The following ADARB2 variants were observed in gnomAD, a reference collection of about 807,000 sequenced individuals.
ADARB2 encodes adenosine deaminase RNA specific B2 (inactive).
In ADARB2, 25 loss-of-function variants were observed where a neutral mutation model predicts 62.2. That is an observed-to-expected ratio of 0.40 (90% CI 0.29 to 0.56). The LOEUF (loss-of-function observed/expected upper bound fraction) is 0.56. Ranked by LOEUF, ADARB2 falls within the 20% of genes least tolerant of loss-of-function variation. The pLI, the probability that ADARB2 is intolerant of heterozygous loss-of-function variation, is 0.43. For missense variants in ADARB2, 1,071 were observed against 1,077.4 expected (o/e 0.99, Z 0.08); for synonymous variants, 572 against 500.8 (o/e 1.14, Z -1.90).
intron 1 of ADARB2, among the ~76,000 whole-genome samples, chr10:1,507,211 A>G (rs1364846006): frequency 1.3e-5 from 2 of 152,230 alleles, no homozygotes. Flanking sequence ...GAAGCCAGGA[A>G]GACAGGAGTT....
chr10:1,206,954 G>A (rs1837075960), intron 7 of ADARB2, among the ~76,000 whole-genome samples: 1 of 152,246 alleles, frequency 6.6e-6, no homozygotes. Context: ...GGAGGGCAGA[G>A]CCGCGAAGGC....
chr10:1,294,033 A>T lies in ADARB2; in HGVS notation c.1078-22964T>A, dbSNP rs565009690. 1.1e-4 allele frequency among the ~76,000 whole-genome samples: 17 copies of T among 152,352 alleles called. No homozygotes were observed. The South Asian group carries it at 3.3e-3, about 30-fold the overall frequency. On this transcript the variant is annotated intron_variant, in intron 3 of 9. Coordinates refer to ENST00000381312, the MANE Select transcript of ADARB2 (RefSeq NM_018702.4). The stretch of plus-strand genomic sequence containing the variant: ...AAGTGCAAACAAAGAAAAAACTTAG[A>T]GCAAGCTCAGAAGAGAACTTCCCAT...
intron 1 of ADARB2, among the ~76,000 whole-genome samples, chr10:1,438,772 C>G (rs71498802): frequency 4.8e-5 from 7 of 146,230 alleles, no homozygotes; most frequent in African/African-American, 1.0e-4. Context: ...CTGAGTCTCT[C>G]CCAGGATGGA....
Position 1,398,473 on chromosome 10 carries a change from C to T in ADARB2, c.101-19313G>A, listed in dbSNP as rs1832634809. The stretch of plus-strand genomic sequence containing the variant: ...CACTCGCTCCTGTTTTTCAGGGCCC[C>T]TCCTCTCCCTGTGGAGCTCCAGTGA... On this transcript the variant is annotated intron_variant, in intron 1 of 9. Coordinates refer to ENST00000381312, the MANE Select transcript of ADARB2 (RefSeq NM_018702.4). The surrounding 1 kb of genome is among the most constrained non-coding windows in gnomAD (Gnocchi z 4.1). 6.6e-6 allele frequency among the ~76,000 whole-genome samples: 1 copy of T among 152,222 alleles called. No homozygotes were observed. Among genetic ancestry groups the T allele is most frequent in the South Asian group, 2.1e-4 (1 of 4,832 alleles).
chr10:1,429,717 C>T (rs546161110), intron 1 of ADARB2, among the ~76,000 whole-genome samples: 1 of 152,218 alleles, frequency 6.6e-6, no homozygotes, highest in Non-Finnish European at 1.5e-5. Flanking sequence ...CTGCACCATA[C>T]TTATTAAGAC....
chr10:1,718,035 A>G (rs958287372), intron 1 of ADARB2, among the ~76,000 whole-genome samples: 14 of 152,180 alleles, frequency 9.2e-5, no homozygotes, highest in Non-Finnish European at 5.9e-5. Flanking sequence ...TATGAATAAT[A>G]TAGTTAGAAA....
At chr10:1,354,158 C>T (rs1022087226) in intron 3 of ADARB2, among the ~76,000 whole-genome samples, 5 of 152,062 alleles carry the variant, frequency 3.3e-5, no homozygotes, top group South Asian at 2.1e-4. Context: ...CAAAAATTTT[C>T]GCCGCCCCAA....
chr10:1,584,182 G>A (rs35193555), intron 1 of ADARB2, among the ~76,000 whole-genome samples: 1 of 151,990 alleles, frequency 6.6e-6, no homozygotes, highest in Non-Finnish European at 1.5e-5. Flanking sequence ...CCAACATCAA[G>A]AAAATGAGAA....
intron 1 of ADARB2, among the ~76,000 whole-genome samples, chr10:1,533,567 C>T (rs61831926): frequency 1.3e-5 from 2 of 152,192 alleles, no homozygotes; most frequent in Non-Finnish European, 2.9e-5. Context: ...CATGCCACGT[C>T]CTGACTCTGC....
At chr10:1,663,488 C>T (rs55873172) in intron 1 of ADARB2, among the ~76,000 whole-genome samples, 44,208 of 152,110 alleles carry the variant, frequency 0.29, 6,586 homozygotes, top group Middle Eastern at 0.39. Context: ...TTTTACTGTC[C>T]GCGTAGTTTC....
chr10:1,432,196 CTGAA>C (rs139036634), intron 1 of ADARB2, among the ~76,000 whole-genome samples: 3 of 151,844 alleles, frequency 2.0e-5, no homozygotes, highest in African/African-American at 4.9e-5. Flanking sequence ...GAGATAGTAA[CTGAA>C]TGAATGAATG....
In ADARB2 at chr10:1,177,829, C is replaced by G. The variant is rs764615138; in HGVS notation, c.*5364G>C. On this transcript the variant is annotated 3_prime_UTR_variant, in exon 10 of 10. Coordinates refer to ENST00000381312, the MANE Select transcript of ADARB2 (RefSeq NM_018702.4). The stretch of plus-strand genomic sequence containing the variant: ...ATCTCTAGAGGCCAGCGCGGTGGCT[C>G]ATGCCTGTAATCCCAGCACTCTGGG... 1 of 152,418 alleles carries G rather than the reference C, an allele frequency of 6.6e-6. No individual in the cohort carries two copies. The highest frequency in any genetic ancestry group is 2.1e-4 in the South Asian group (1 of 4,828). 9.4% of individuals were successfully genotyped at this position (152,418 alleles called of 1,614,324 possible).
intron 1 of ADARB2, among the ~76,000 whole-genome samples, chr10:1,685,792 A>G (rs1231730059): frequency 6.6e-6 from 1 of 152,212 alleles, no homozygotes; most frequent in African/African-American, 2.4e-5. Flanking sequence ...CAAGGTCCTG[A>G]TGGAGATCAT....
intron 3 of ADARB2, among the ~76,000 whole-genome samples, chr10:1,324,196 G>T (rs1422801380): frequency 1.3e-5 from 2 of 152,198 alleles, no homozygotes; most frequent in Non-Finnish European, 1.5e-5. Context: ...AACCACACGA[G>T]GTACCATATG....
chr10:1,463,138 C>T (rs1297552623), intron 1 of ADARB2, among the ~76,000 whole-genome samples: 1 of 152,068 alleles, frequency 6.6e-6, no homozygotes, highest in Non-Finnish European at 1.5e-5. Flanking sequence ...GACGTGCTCT[C>T]CACGTGATGA....
At chr10:1,703,085 G>A (rs1264183557) in intron 1 of ADARB2, among the ~76,000 whole-genome samples, 1 of 152,184 alleles carries the variant, frequency 6.6e-6, no homozygotes, top group African/African-American at 2.4e-5. Context: ...GCATGGAGAA[G>A]CAGACCCGTT....
chr10:1,565,208 G>T (rs2131988705), intron 1 of ADARB2, among the ~76,000 whole-genome samples: 1 of 152,300 alleles, frequency 6.6e-6, no homozygotes, highest in African/African-American at 2.4e-5. Flanking sequence ...ATGTCTCTCA[G>T]TCTACAACTT....
chr10:1,467,172 T>C (rs537330852), intron 1 of ADARB2, among the ~76,000 whole-genome samples: 45 of 152,332 alleles, frequency 3.0e-4, no homozygotes, highest in African/African-American at 1.0e-3. Flanking sequence ...TATGTGAGCA[T>C]GGCAGTCACT....
intron 1 of ADARB2, among the ~76,000 whole-genome samples, chr10:1,401,646 T>C (rs1832663972): frequency 1.3e-5 from 2 of 152,232 alleles, no homozygotes; most frequent in Admixed American, 6.5e-5. Context: ...GTGTATCCCG[T>C]GTCCCCATTT....
Sources: allele counts gnomAD v4.1 joint callset (sites outside exome capture counted in the v4.1 genomes callset), GRCh38; gene constraint gnomAD v4.1.1; non-coding constraint Gnocchi (gnomAD v3.1); transcripts MANE v1.5; gene names NCBI Gene and HGNC (gene_info 2026-07-23, HGNC 2026-07-21).